Variants in FRMD6 observed in about 807,000 individuals in gnomAD.
FRMD6 encodes FERM domain containing 6, also known as FERM domain-containing protein 6.
In FRMD6, 37 loss-of-function variants were observed where a neutral mutation model predicts 73.2. The ratio of observed to expected loss-of-function variants is 0.51; its 90% CI spans 0.39 to 0.66. FRMD6 has a LOEUF of 0.66. Ranked by LOEUF, FRMD6 falls within the 30% of genes least tolerant of loss-of-function variation. The pLI is 0.00. For synonymous variants in FRMD6, 273 were observed against 282.2 expected, an observed-to-expected ratio of 0.97 and a Z score of 0.33; for missense variants, 714 against 780.5, an observed-to-expected ratio of 0.91 and a Z score of 1.02.
rs10637550 is a variant in FRMD6, at chr14:51,692,472, A to ATGTGTGTGTG, written c.99+2551_99+2560dup. 1.3e-4 allele frequency among the ~76,000 whole-genome samples: 19 copies of ATGTGTGTGTG among 150,500 alleles called. 1 individual carries two copies. The highest frequency in any genetic ancestry group is 2.2e-4 in the African/African-American group (9 of 40,952). The stretch of plus-strand genomic sequence containing the variant: ...TTCATTTGTCTTTTTACGTGGTGCA[A>ATGTGTGTGTG]TGTGTGTGTGTGTGTGTGTGTGTAC... On this transcript the variant is annotated intron_variant, in intron 2 of 13. Transcript: ENST00000344768.
chr14:51,503,881 A>G (rs1339988536), intron 1 of FRMD6, among the ~76,000 whole-genome samples: 1 of 151,238 alleles, frequency 6.6e-6, no homozygotes, highest in East Asian at 1.9e-4. Context: ...GGGTTTGATA[A>G]GCTATTTATT....
chr14:51,632,560 G>T (rs888602570), intron 2 of FRMD6, among the ~76,000 whole-genome samples: 1 of 152,158 alleles, frequency 6.6e-6, no homozygotes, highest in African/African-American at 2.4e-5. Context: ...GCCCAGAAAA[G>T]GCATAGTTCC....
upstream of FRMD6, among the ~76,000 whole-genome samples, chr14:51,485,495 A>G (rs893048557): frequency 6.6e-6 from 1 of 152,206 alleles, no homozygotes; most frequent in Non-Finnish European, 1.5e-5. Context: ...TCAACTGTGC[A>G]CTGTGCAGAA....
At chr14:51,546,760 C>T (rs1886496278) in intron 1 of FRMD6, 4 of 152,148 alleles carry the variant, frequency 2.6e-5, no homozygotes, top group Admixed American at 2.6e-4. Flanking sequence ...GAACACAGTT[C>T]TGATAATAAC....
intron 2 of FRMD6, among the ~76,000 whole-genome samples, chr14:51,621,330 T>TG (rs1890917832): frequency 6.6e-6 from 1 of 152,128 alleles, no homozygotes; most frequent in African/African-American, 2.4e-5. Flanking sequence ...CAGCTTCTCG[T>TG]GGGGATGGAG....
At chr14:51,410,782 G>T in the FRMD6 span, among the ~76,000 whole-genome samples, 1 of 151,964 alleles carries the variant, frequency 6.6e-6, no homozygotes, top group African/African-American at 2.4e-5. Context: ...GAATTATTTT[G>T]TACATGCTCT....
chr14:51,416,767 G>A, the FRMD6 span, among the ~76,000 whole-genome samples: 4 of 152,066 alleles, frequency 2.6e-5, no homozygotes, highest in South Asian at 2.1e-4. Flanking sequence ...AAAGTCTCCC[G>A]TTATTATAGT....
At chr14:51,414,024 T>C in the FRMD6 span, among the ~76,000 whole-genome samples, 1 of 152,244 alleles carries the variant, frequency 6.6e-6, no homozygotes, top group Non-Finnish European at 1.5e-5. Flanking sequence ...GGTAAATTTG[T>C]TTAAGCCCTT....
chr14:51,724,709 C>T (rs1296715530), intron 12 of FRMD6, among the ~76,000 whole-genome samples: 1 of 151,248 alleles, frequency 6.6e-6, no homozygotes, highest in Non-Finnish European at 1.5e-5. Context: ...GAATAAGAAT[C>T]ACATTACTTA....
chr14:51,569,503 CTTTCTTT>C (rs976162718), intron 1 of FRMD6, among the ~76,000 whole-genome samples: 3 of 122,900 alleles, frequency 2.4e-5, no homozygotes, highest in Non-Finnish European at 3.4e-5. Flanking sequence ...TTCTTTCTTT[CTTTCTTT>C]TTTTTTTTTT....
intron 5 of FRMD6, among the ~76,000 whole-genome samples, chr14:51,703,044 G>A (rs539713736): frequency 1.3e-4 from 20 of 151,948 alleles, no homozygotes; most frequent in Non-Finnish European, 8.8e-5. Context: ...TTATATAATC[G>A]GTTTTCTTTT....
chr14:51,722,107 C>T (rs1897657595), intron 12 of FRMD6, 27 bp downstream of exon 12: 2 of 1,612,334 alleles, frequency 1.2e-6, no homozygotes, highest in East Asian at 4.5e-5. Context: ...AGTTATTCTT[C>T]CTTGGTAGCA....
upstream of FRMD6, among the ~76,000 whole-genome samples, chr14:51,484,266 AC>A (rs1882721906): frequency 6.6e-6 from 1 of 152,306 alleles, no homozygotes; most frequent in African/African-American, 2.4e-5. Flanking sequence ...CAGGGAAGCC[AC>A]CTCTGTTTCC....
At chr14:51,591,050 G>T (rs1889355197) in intron 2 of FRMD6, among the ~76,000 whole-genome samples, 1 of 152,186 alleles carries the variant, frequency 6.6e-6, no homozygotes, top group South Asian at 2.1e-4. Flanking sequence ...AATGGCAGCT[G>T]CTGTGGGGTT....
intron 12 of FRMD6, among the ~76,000 whole-genome samples, chr14:51,723,547 A>G (rs1365356215): frequency 6.6e-6 from 1 of 152,058 alleles, no homozygotes. Context: ...TTGGGAGGCC[A>G]AGGTGGGTGG....
chr14:51,448,814 A>G, the FRMD6 span, among the ~76,000 whole-genome samples: 132,953 of 152,200 alleles, frequency 0.87, 58,272 homozygotes, highest in African/African-American at 0.91. Context: ...GAAATGAAAC[A>G]TTTGAATTGG....
chr14:51,494,363 A>T (rs971552866), intron 1 of FRMD6, among the ~76,000 whole-genome samples: 4 of 152,228 alleles, frequency 2.6e-5, no homozygotes, highest in African/African-American at 7.2e-5. Flanking sequence ...CAGTGGTAGG[A>T]TAGGCTTAGA....
At chr14:51,423,411 T>C in the FRMD6 span, among the ~76,000 whole-genome samples, 2 of 152,240 alleles carry the variant, frequency 1.3e-5, no homozygotes, top group South Asian at 2.1e-4. Context: ...AGCTTGCGTG[T>C]AGCTACTTCT....
chr14:51,656,379 G>A (rs1892822848), intron 1 of FRMD6, among the ~76,000 whole-genome samples: 1 of 152,032 alleles, frequency 6.6e-6, no homozygotes, highest in South Asian at 2.1e-4. Context: ...TTTTCCTGGA[G>A]CTTCCTTGGA....
Sources: allele counts gnomAD v4.1 joint callset (sites outside exome capture counted in the v4.1 genomes callset), GRCh38; gene constraint gnomAD v4.1.1; transcripts MANE v1.5; gene names NCBI Gene and HGNC (gene_info 2026-07-23, HGNC 2026-07-21).